Variants in IGSF9B observed in about 807,000 individuals in gnomAD.
The protein encoded by IGSF9B is protein turtle homolog B.
Under a neutral mutation model 143.7 loss-of-function variants are expected in IGSF9B, and 48 were observed. The observed-to-expected ratio is 0.33, with a 90% CI of 0.26 to 0.42. The LOEUF (loss-of-function observed/expected upper bound fraction) is 0.42. IGSF9B is among the 20% of genes least tolerant of loss of function. IGSF9B has a pLI of 1.00. For missense variants in IGSF9B, 1,706 were observed against 1,980.0 expected (o/e 0.86, Z 2.63); for synonymous variants, 903 against 833.1 (o/e 1.08, Z -1.44).
chr11:133,947,027 T>G (rs1039497337), intron 1 of IGSF9B, among the ~76,000 whole-genome samples: 1 of 152,028 alleles, frequency 6.6e-6, no homozygotes, highest in African/African-American at 2.4e-5. Flanking sequence ...AGGAGGGAGA[T>G]CCCAGGGCTG....
chr11:133,922,587 T>TA lies in IGSF9B; in HGVS notation c.2262dup (p.Lys755Ter), dbSNP rs764286645. 1 of 1,611,506 alleles carries TA rather than the reference T, an allele frequency of 6.2e-7. No homozygotes were observed. Among genetic ancestry groups the TA allele is most frequent in the Non-Finnish European group, 8.5e-7 (1 of 1,178,670 alleles). On this transcript the variant is annotated frameshift_variant, in exon 16 of 20. Transcript: ENST00000533871. LOFTEE classifies it high-confidence loss of function. ...CACCCACCTTTTTTGCGCTTGAGCT[T>TA]ACGCTTGCGCTGCTTGTTGACAAAG...
In IGSF9B at chr11:133,920,314, A is replaced by G; in HGVS notation, c.3411T>C (p.His1137=). 2 of 1,573,948 alleles carry G rather than the reference A, an allele frequency of 1.3e-6. No homozygotes were observed. Among genetic ancestry groups the G allele is most frequent in the Non-Finnish European group, 1.7e-6 (2 of 1,160,178 alleles). Reference sequence around the variant, plus strand: ...CAGGTATGCCCATGCCTTGGCTTGTATGTCGCAGCTGCCCTTGGCTTACCA... The same window carrying G: ...CAGGTATGCCCATGCCTTGGCTTGTGTGTCGCAGCTGCCCTTGGCTTACCA... ...QPLVSQGQLR[H]TSQGMGIPVL... The change falls in exon 18 of 20, where the codon CAT becomes CAC. Residue 1137 remains histidine, a synonymous_variant. Coordinates refer to ENST00000533871, the MANE Select transcript of IGSF9B (RefSeq NM_001277285.4).
chr11:133,946,324 A>C, intron 1 of IGSF9B, 66 bp from the exon 2 acceptor site: 1 of 1,426,970 alleles, frequency 7.0e-7, no homozygotes, highest in East Asian at 2.4e-5. Flanking sequence ...CAGCAGCCCC[A>C]TGTCCGTGTC....
intron 1 of IGSF9B, among the ~76,000 whole-genome samples, chr11:133,947,328 A>G (rs688502): frequency 0.59 from 89,257 of 151,826 alleles, 26,469 homozygotes; most frequent in Middle Eastern, 0.71. Flanking sequence ...CAGGGAAAAG[A>G]ACAGCTGAGG....
In IGSF9B at chr11:133,904,569, G is replaced by T. The variant is rs1223299395; in HGVS notation, c.*4500C>A. Among the ~76,000 whole-genome samples, 3 of 152,012 alleles carry T rather than the reference G, an allele frequency of 2.0e-5. 1 individual carries two copies. The highest frequency in any genetic ancestry group is 4.4e-5 in the Non-Finnish European group (3 of 67,998). On this transcript the variant is annotated 3_prime_UTR_variant, in exon 20 of 20. Coordinates refer to ENST00000533871, the MANE Select transcript of IGSF9B (RefSeq NM_001277285.4). ...CCCAGATCCCCCTCCCACATGCCCTGCATGGCTACCACTCCCCAGCCAGAT... is the reference window on the plus strand; with the variant it reads ...CCCAGATCCCCCTCCCACATGCCCTTCATGGCTACCACTCCCCAGCCAGAT...
At chr11:133,949,135 C>T (rs1468193977) in intron 1 of IGSF9B, among the ~76,000 whole-genome samples, 2 of 152,146 alleles carry the variant, frequency 1.3e-5, no homozygotes, top group African/African-American at 4.8e-5. Context: ...ACCCTTTCAA[C>T]CAGGGAGAGG....
intron 3 of IGSF9B, among the ~76,000 whole-genome samples, chr11:133,938,553 T>C (rs1022037694): frequency 5.9e-5 from 9 of 152,336 alleles, no homozygotes; most frequent in Admixed American, 2.0e-4. Context: ...TCAGGTCATC[T>C]TCCCCCCTGC....
At chr11:133,938,887 C>T (rs1939872951) in intron 3 of IGSF9B, among the ~76,000 whole-genome samples, 1 of 152,196 alleles carries the variant, frequency 6.6e-6, no homozygotes, top group Non-Finnish European at 1.5e-5. Flanking sequence ...TACCTAACTC[C>T]CCTACCCTCC....
At chr11:133,944,447 CAG>C in intron 2 of IGSF9B, 81 bp from the exon 3 acceptor site, 1 of 1,421,182 alleles carries the variant, frequency 7.0e-7, no homozygotes, top group African/African-American at 1.4e-5. Context: ...CAGCTAAAGA[CAG>C]GGGACTCATC....
At position 133,921,241 on chromosome 11, in the gene IGSF9B, G is replaced by A. The variant is rs775975180; in HGVS notation, c.2484C>T (p.Ser828=). ...SLYKKTKRAI[S]SKKYSVAKAE... ...CCTTGGCCACGCTGTACTTCTTGCT[G>A]CTGATGGCCCGCTTGGTCTTCTTGT... The change falls in exon 18 of 20, where the codon AGC becomes AGT. Residue 828 remains serine, a synonymous_variant. Coordinates refer to ENST00000533871, the MANE Select transcript of IGSF9B (RefSeq NM_001277285.4). 3 of 1,610,880 alleles carry A rather than the reference G, an allele frequency of 1.9e-6. No homozygotes were observed. In the South Asian group the frequency reaches 3.3e-5, roughly 18 times the overall value.
chr11:133,933,410 A>C (rs969141322), intron 7 of IGSF9B, among the ~76,000 whole-genome samples: 5 of 152,240 alleles, frequency 3.3e-5, no homozygotes, highest in Non-Finnish European at 5.9e-5. Context: ...CTGGTTGACC[A>C]GCCTTCCTTG....
chr11:133,929,858 G>T, intron 11 of IGSF9B, 76 bp from the exon 12 acceptor site: 2 of 966,704 alleles, frequency 2.1e-6, no homozygotes, highest in East Asian at 2.4e-5. Context: ...CTGGCTGTGG[G>T]GAACCTGAGA....
At position 133,898,073 on chromosome 11, in the gene IGSF9B, A is replaced by AG. The variant is rs1939050135; in HGVS notation, c.*10995dup. 6.6e-6 allele frequency: 1 copy of AG among 152,232 alleles called. No individual in the cohort carries two copies. Among genetic ancestry groups the AG allele is most frequent in the Non-Finnish European group, 1.5e-5 (1 of 68,044 alleles). 9.4% of individuals were successfully genotyped at this position (152,232 alleles called of 1,614,324 possible). On this transcript the variant is annotated 3_prime_UTR_variant, in exon 20 of 20. Coordinates refer to ENST00000533871, the MANE Select transcript of IGSF9B (RefSeq NM_001277285.4). ...AGATTCAGCCCAACTGGCCTCTTCG[A>AG]GAACAGCACCATGAAGCACCCTAGC...
In IGSF9B at chr11:133,920,889, G is replaced by T; in HGVS notation, c.2836C>A (p.Arg946=). The T allele has an allele frequency of 6.2e-7, 1 of 1,607,268 alleles. No individual in the cohort carries two copies. The highest frequency in any genetic ancestry group is 8.5e-7 in the Non-Finnish European group (1 of 1,176,990). Residue 946 remains arginine (R), a synonymous_variant, in exon 18 of 20, where the codon CGG becomes AGG. Coordinates refer to ENST00000533871, the MANE Select transcript of IGSF9B (RefSeq NM_001277285.4). ...GLEGPGGLEG[R]LQATGQARPP... is the part of the protein sequence containing the mutation. ...CGGGCCTGGCCTGTGGCCTGAAGCC[G>T]ACCTTCCAGGCCACCGGGGCCCTCC...
chr11:133,947,358 T>C (rs920781531), intron 1 of IGSF9B, among the ~76,000 whole-genome samples: 6 of 152,174 alleles, frequency 3.9e-5, no homozygotes, highest in African/African-American at 1.4e-4. Flanking sequence ...ACCCCCTTCA[T>C]TCCCTGGTAC....
In IGSF9B at chr11:133,902,583, CA is replaced by C. The variant is rs1306563512; in HGVS notation, c.*6485del. Reference sequence around the variant, plus strand: ...CACACACACCCCACACACACACACACACACCCCACTTACTTCCTGAATCCAG... The same window carrying C: ...CACACACACCCCACACACACACACACCACCCCACTTACTTCCTGAATCCAG... On this transcript the variant is annotated 3_prime_UTR_variant, in exon 20 of 20. Transcript: ENST00000533871. Among the ~76,000 whole-genome samples the C allele has an allele frequency of 1.5e-4, 23 of 151,702 alleles. No individual in the cohort carries two copies. The highest frequency in any genetic ancestry group is 9.2e-4 in the Admixed American group (14 of 15,240).
intron 19 of IGSF9B, 68 bp downstream of exon 19, chr11:133,911,818 C>G: frequency 7.0e-7 from 1 of 1,420,258 alleles, no homozygotes. Flanking sequence ...CAACGGCAGC[C>G]CAATAACCCT....
intron 15 of IGSF9B, 92 bp from the exon 16 acceptor site, chr11:133,922,822 T>G: frequency 8.0e-7 from 1 of 1,244,856 alleles, no homozygotes; most frequent in Non-Finnish European, 1.1e-6. Context: ...CACCCTGCCT[T>G]TGTAGAACAG....
intron 12 of IGSF9B, among the ~76,000 whole-genome samples, chr11:133,929,332 C>A (rs1272667357): frequency 6.6e-6 from 1 of 152,230 alleles, no homozygotes; most frequent in Non-Finnish European, 1.5e-5. Flanking sequence ...GGCAATTTCA[C>A]AAAGCCCTTG....
Sources: allele counts gnomAD v4.1 joint callset (sites outside exome capture counted in the v4.1 genomes callset), GRCh38; gene constraint gnomAD v4.1.1; transcripts MANE v1.5; gene names NCBI Gene and HGNC (gene_info 2026-07-23, HGNC 2026-07-21).